The following SPIDR variants were observed in gnomAD, a reference collection of about 807,000 sequenced individuals.
SPIDR encodes the protein DNA repair-scaffolding protein.
A neutral mutation model predicts 104.6 loss-of-function variants in SPIDR; 93 were observed. The ratio of observed to expected loss-of-function variants is 0.89; its 90% CI spans 0.75 to 1.06. SPIDR has a LOEUF of 1.06. SPIDR is among the 50% of genes least tolerant of loss of function. The pLI, the probability that SPIDR is intolerant of heterozygous loss-of-function variation, is 0.00. For synonymous variants in SPIDR, 431 were observed against 416.9 expected (o/e 1.03, Z -0.41); for missense variants, 1,154 against 1,111.2 (o/e 1.04, Z -0.55).
chr8:47,335,297 T>A (rs376621385), intron 5 of SPIDR, among the ~76,000 whole-genome samples: 45 of 152,044 alleles, frequency 3.0e-4, no homozygotes, highest in African/African-American at 1.1e-3. Context: ...TGCAAGGCAG[T>A]TTTTTTGGCA....
intron 10 of SPIDR, among the ~76,000 whole-genome samples, chr8:47,640,233 G>A (rs1351645273): frequency 6.6e-6 from 1 of 152,158 alleles, no homozygotes; most frequent in Non-Finnish European, 1.5e-5. Context: ...ATGCCTGCTG[G>A]CAGAAGTAGC....
intron 5 of SPIDR, among the ~76,000 whole-genome samples, chr8:47,336,562 C>T (rs2049793532): frequency 6.6e-6 from 1 of 152,158 alleles, no homozygotes; most frequent in Non-Finnish European, 1.5e-5. Flanking sequence ...AAGCTTCCAG[C>T]ATCTCATTGT....
At position 47,606,828 on chromosome 8, in the gene SPIDR, C is replaced by CT. The variant is rs576544913; in HGVS notation, c.1544+7633dup. Reference sequence around the variant, plus strand: ...TTGTGAACCGTTACTTTTCTTCCCACTAAACAGTTGGGAGATATTCTTGAC... The same window carrying CT: ...TTGTGAACCGTTACTTTTCTTCCCACTTAAACAGTTGGGAGATATTCTTGAC... On this transcript the variant is annotated intron_variant, in intron 10 of 19. Transcript: ENST00000297423. Among the ~76,000 whole-genome samples, 42 of 152,336 alleles carry CT rather than the reference C, an allele frequency of 2.8e-4. No individual in the cohort carries two copies. In the South Asian group the frequency reaches 7.9e-3, roughly 29 times the overall value.
chr8:47,685,501 A>ATT (rs1326028640), intron 11 of SPIDR, among the ~76,000 whole-genome samples: 5 of 110,230 alleles, frequency 4.5e-5, no homozygotes, highest in Non-Finnish European at 8.9e-5. Flanking sequence ...TTATTTATTT[A>ATT]TTTATTTATT....
intron 10 of SPIDR, among the ~76,000 whole-genome samples, chr8:47,611,317 T>G (rs537439370): frequency 7.2e-5 from 11 of 152,028 alleles, no homozygotes; most frequent in Non-Finnish European, 1.6e-4. Context: ...ATTCAGTCAG[T>G]GTAAACAAAC....
intron 1 of SPIDR, among the ~76,000 whole-genome samples, chr8:47,272,899 G>T (rs2035622178): frequency 6.6e-6 from 1 of 152,128 alleles, no homozygotes; most frequent in African/African-American, 2.4e-5. Context: ...ACTTACCACA[G>T]TCTACATATG....
At chr8:47,367,521 A>C (rs1344366976) in intron 5 of SPIDR, among the ~76,000 whole-genome samples, 2 of 152,246 alleles carry the variant, frequency 1.3e-5, no homozygotes, top group African/African-American at 2.4e-5. Context: ...TTACACAGCA[A>C]TAGGAAACTA....
At chr8:47,448,751 C>T (rs1554703775) in intron 8 of SPIDR, among the ~76,000 whole-genome samples, 1 of 151,566 alleles carries the variant, frequency 6.6e-6, no homozygotes, top group Non-Finnish European at 1.5e-5. Context: ...TTGGTGATGC[C>T]CTATCTGAGC....
chr8:47,396,589 A>G lies in SPIDR; in HGVS notation c.739A>G (p.Arg247Gly). The change falls in exon 6 of 20, where the codon AGG becomes GGG. Residue 247 changes from arginine (R) to glycine (G), a missense_variant. Coordinates refer to ENST00000297423, the MANE Select transcript of SPIDR (RefSeq NM_001080394.4). ...TCAGAAACCCACAGCTAAGTTTCCC[A>G]GGACTCCAGAAAATTCAGCAAAGAA... ...TPQKPTAKFP[R>G]TPENSAKKKL... 1 of 1,613,938 alleles carries G rather than the reference A, an allele frequency of 6.2e-7. No homozygotes were observed. The highest frequency in any genetic ancestry group is 8.5e-7 in the Non-Finnish European group (1 of 1,179,944).
intron 10 of SPIDR, chr8:47,673,420 C>T (rs751880230): frequency 7.9e-5 from 36 of 458,548 alleles, no homozygotes; most frequent in African/African-American, 2.2e-4. Context: ...TCATGGGAAA[C>T]GGTAAAAATG....
At chr8:47,717,542 A>G (rs1034650965) in intron 16 of SPIDR, among the ~76,000 whole-genome samples, 6 of 152,232 alleles carry the variant, frequency 3.9e-5, no homozygotes, top group African/African-American at 1.2e-4. Flanking sequence ...ACACAGAGGC[A>G]GATCCTCACC....
intron 8 of SPIDR, among the ~76,000 whole-genome samples, chr8:47,581,846 C>G (rs942001265): frequency 6.6e-6 from 1 of 152,180 alleles, no homozygotes; most frequent in African/African-American, 2.4e-5. Context: ...CACTAATCCT[C>G]TTTGCCACTC....
At chr8:47,629,443 G>A (rs1267507757) in intron 10 of SPIDR, among the ~76,000 whole-genome samples, 1 of 152,240 alleles carries the variant, frequency 6.6e-6, no homozygotes, top group African/African-American at 2.4e-5. Flanking sequence ...GGATGTGGCT[G>A]TGTGCCAGTA....
At chr8:47,290,943 G>T in intron 3 of SPIDR, 90 bp from the exon 4 acceptor site, 1 of 941,942 alleles carries the variant, frequency 1.1e-6, no homozygotes, top group South Asian at 2.1e-5. Flanking sequence ...GTGTATTTGT[G>T]ACTTTGGCAA....
chr8:47,262,320 CTT>C (rs980020126), intron 1 of SPIDR, among the ~76,000 whole-genome samples: 3 of 151,300 alleles, frequency 2.0e-5, no homozygotes, highest in African/African-American at 7.3e-5. Flanking sequence ...TTTCAAGACT[CTT>C]TTTTTTTACT....
intron 8 of SPIDR, among the ~76,000 whole-genome samples, chr8:47,549,015 C>T (rs559729830): frequency 3.0e-4 from 46 of 152,190 alleles, no homozygotes; most frequent in African/African-American, 5.1e-4. Context: ...TGAGAACATG[C>T]GGTGTTTGGT....
At chr8:47,278,931 C>G (rs930689326) in intron 1 of SPIDR, among the ~76,000 whole-genome samples, 59 of 152,014 alleles carry the variant, frequency 3.9e-4, no homozygotes, top group Admixed American at 1.1e-3. Context: ...CTGTGTTGCC[C>G]GGCTTGAAGT....
At chr8:47,398,500 A>G (rs2061490055) in intron 6 of SPIDR, among the ~76,000 whole-genome samples, 1 of 152,214 alleles carries the variant, frequency 6.6e-6, no homozygotes, top group African/African-American at 2.4e-5. Flanking sequence ...AGTTTGAAAC[A>G]GACTCAGGGA....
intron 6 of SPIDR, among the ~76,000 whole-genome samples, chr8:47,403,424 T>G (rs1420666528): frequency 1.3e-5 from 2 of 152,226 alleles, no homozygotes; most frequent in Non-Finnish European, 2.9e-5. Flanking sequence ...TGTCCCTGTT[T>G]GCAGATGACA....
Sources: gnomAD v4.1 joint callset for allele counts (sites outside exome capture counted in the v4.1 genomes callset) on GRCh38, gnomAD v4.1.1 for gene constraint, MANE v1.5 for transcripts, NCBI Gene and HGNC (gene_info 2026-07-23, HGNC 2026-07-21) for gene names.